HACD2: variants seen among roughly 807,000 people sequenced by gnomAD.
HACD2 encodes very-long-chain (3R)-3-hydroxyacyl-CoA dehydratase 2.
HACD2 carries 15 observed loss-of-function variants against 31.0 expected under a neutral mutation model. The ratio of observed to expected loss-of-function variants is 0.48; its 90% CI spans 0.32 to 0.75. The LOEUF (loss-of-function observed/expected upper bound fraction) is 0.75, where lower values mean the gene tolerates loss of function less well. Among genes scored for constraint, HACD2 ranks in the 30% least tolerant of loss-of-function variants. HACD2 has a pLI of 0.03. For missense variants in HACD2, 283 were observed against 313.0 expected (o/e 0.90, Z 0.72); for synonymous variants, 115 against 122.2 (o/e 0.94, Z 0.39).
chr3:123,539,463 G>A lies in HACD2; in HGVS notation c.293-10989C>T, dbSNP rs1424039040. Among the ~76,000 whole-genome samples the A allele has an allele frequency of 4.0e-5, 6 of 151,692 alleles. No individual in the cohort carries two copies. In the East Asian group the frequency reaches 7.8e-4, roughly 20 times the overall value. ...TGTGTGCCTATAGTCCCAGCTACTC[G>A]GGAGGCTGAGGCACAAGAATCACTT... On this transcript the variant is annotated intron_variant, in intron 3 of 6. Coordinates refer to ENST00000383657, the MANE Select transcript of HACD2 (RefSeq NM_198402.5).
chr3:123,526,357 T>C (rs1383844585), intron 4 of HACD2, among the ~76,000 whole-genome samples: 2 of 152,148 alleles, frequency 1.3e-5, no homozygotes, highest in Non-Finnish European at 1.5e-5. Flanking sequence ...AAAAGAACCA[T>C]GATCCTAGGA....
At chr3:123,546,810 A>T (rs1189697279) in intron 3 of HACD2, among the ~76,000 whole-genome samples, 2 of 152,238 alleles carry the variant, frequency 1.3e-5, no homozygotes, top group African/African-American at 4.8e-5. Context: ...ATCAGAGTGC[A>T]GGACAAGGCA....
At chr3:123,564,691 G>A (rs1482936087) in intron 3 of HACD2, among the ~76,000 whole-genome samples, 5 of 152,100 alleles carry the variant, frequency 3.3e-5, no homozygotes, top group Admixed American at 1.3e-4. Flanking sequence ...GAAAAGGGAC[G>A]GAGAACAGTT....
chr3:123,507,400 TAC>T (rs1372114736), intron 4 of HACD2, among the ~76,000 whole-genome samples: 1 of 152,176 alleles, frequency 6.6e-6, no homozygotes, highest in Non-Finnish European at 1.5e-5. Context: ...TATATATATA[TAC>T]CTGTACAGTG....
chr3:123,562,408 C>A (rs2056742788), intron 3 of HACD2, among the ~76,000 whole-genome samples: 1 of 151,690 alleles, frequency 6.6e-6, no homozygotes, highest in Admixed American at 6.6e-5. Flanking sequence ...ATGAAGGGCC[C>A]TGAAGTGCTC....
chr3:123,495,616 CT>C, intron 6 of HACD2, among the ~76,000 whole-genome samples: 1 of 148,952 alleles, frequency 6.7e-6, no homozygotes, highest in South Asian at 2.1e-4. Context: ...AAAAAAAGGC[CT>C]TATGAAAAGC....
chr3:123,498,095 C>T (rs747956941), intron 6 of HACD2, among the ~76,000 whole-genome samples: 4 of 152,196 alleles, frequency 2.6e-5, no homozygotes, highest in Non-Finnish European at 4.4e-5. Flanking sequence ...CTGAGAACAT[C>T]CAGAGCTGCT....
chr3:123,523,575 C>T (rs1274714922), intron 4 of HACD2, among the ~76,000 whole-genome samples: 1 of 152,218 alleles, frequency 6.6e-6, no homozygotes, highest in Non-Finnish European at 1.5e-5. Context: ...AACTCATCAA[C>T]CCTTCACCTA....
At chr3:123,581,212 C>A (rs1262285608) in intron 2 of HACD2, among the ~76,000 whole-genome samples, 2 of 152,140 alleles carry the variant, frequency 1.3e-5, no homozygotes, top group East Asian at 3.8e-4. Flanking sequence ...TGCCTGGAGG[C>A]TAAGCAAAAT....
At chr3:123,534,798 T>TTGTGTGTGTGTGTGTGTG (rs71142740) in intron 3 of HACD2, among the ~76,000 whole-genome samples, 10,512 of 149,056 alleles carry the variant, frequency 0.071, 437 homozygotes, top group African/African-American at 0.088. Context: ...AGACGTAGGC[T>TTGTGTGTGTGTGTGTGTG]TGTGTGTGTG....
At chr3:123,523,171 A>C (rs1269773707) in intron 4 of HACD2, among the ~76,000 whole-genome samples, 1 of 152,168 alleles carries the variant, frequency 6.6e-6, no homozygotes, top group Admixed American at 6.5e-5. Flanking sequence ...AGGGAGGAAA[A>C]ACCCCAACAA....
At chr3:123,556,158 C>A (rs1397902350) in intron 3 of HACD2, among the ~76,000 whole-genome samples, 3 of 151,850 alleles carry the variant, frequency 2.0e-5, no homozygotes, top group Non-Finnish European at 2.9e-5. Context: ...AAATTGAGGC[C>A]GGGTGAAGTG....
intron 3 of HACD2, among the ~76,000 whole-genome samples, chr3:123,547,250 T>A (rs556782878): frequency 6.6e-6 from 1 of 152,182 alleles, no homozygotes; most frequent in Non-Finnish European, 1.5e-5. Flanking sequence ...AGGAAAAAAT[T>A]TCCACCCATA....
intron 4 of HACD2, 81 bp from the exon 5 acceptor site, chr3:123,502,762 GGAGT>G: frequency 7.0e-7 from 1 of 1,437,696 alleles, no homozygotes; most frequent in African/African-American, 1.4e-5. Context: ...GCAGAGCCAG[GGAGT>G]GAGTCGGCAC....
Position 123,492,777 on chromosome 3 carries a change from T to A in HACD2, c.*2111A>T, listed in dbSNP as rs1296508347. 1 of 152,176 alleles carries A rather than the reference T, an allele frequency of 6.6e-6. No homozygotes were observed. The highest frequency in any genetic ancestry group is 1.5e-5 in the Non-Finnish European group (1 of 68,022). 9.4% of individuals were successfully genotyped at this position (152,176 alleles called of 1,614,324 possible). On this transcript the variant is annotated 3_prime_UTR_variant, in exon 7 of 7. Transcript: ENST00000383657. ...TTTCTAGAATTTTTCCAAAAACAACTGAAAAAATCTAACAGAACAAAGTAA... is the reference window on the plus strand; with the variant it reads ...TTTCTAGAATTTTTCCAAAAACAACAGAAAAAATCTAACAGAACAAAGTAA...
intron 3 of HACD2, among the ~76,000 whole-genome samples, chr3:123,560,632 C>T (rs1015134457): frequency 2.6e-5 from 4 of 152,116 alleles, no homozygotes; most frequent in African/African-American, 9.7e-5. Flanking sequence ...ACAGGGGTCC[C>T]GGTAAGAACA....
intron 5 of HACD2, among the ~76,000 whole-genome samples, chr3:123,501,195 C>T (rs1439421825): frequency 6.6e-6 from 1 of 152,086 alleles, no homozygotes; most frequent in Non-Finnish European, 1.5e-5. Context: ...TTTGTACATG[C>T]TATTGTGAAA....
At chr3:123,520,743 C>T (rs763289290) in intron 4 of HACD2, among the ~76,000 whole-genome samples, 59 of 152,274 alleles carry the variant, frequency 3.9e-4, no homozygotes, top group Non-Finnish European at 7.8e-4. Flanking sequence ...GTTTGAATGT[C>T]AGGATTCACT....
chr3:123,520,978 T>C (rs938480573), intron 4 of HACD2, among the ~76,000 whole-genome samples: 1 of 152,202 alleles, frequency 6.6e-6, no homozygotes, highest in Non-Finnish European at 1.5e-5. Context: ...TATGACAGTT[T>C]CCTAAAGTGA....
Sources: allele counts gnomAD v4.1 joint callset (sites outside exome capture counted in the v4.1 genomes callset), GRCh38; gene constraint gnomAD v4.1.1; transcripts MANE v1.5; gene names NCBI Gene and HGNC (gene_info 2026-07-23, HGNC 2026-07-21).